WDR7: variants seen among roughly 807,000 people sequenced by gnomAD.
WDR7 encodes WD repeat domain 7.
Under a neutral mutation model 169.4 loss-of-function variants are expected in WDR7, and 46 were observed. That is an observed-to-expected ratio of 0.27 (90% CI 0.21 to 0.35). WDR7 has a LOEUF of 0.35. WDR7 is among the 10% of genes least tolerant of loss of function. The pLI, the probability that WDR7 is intolerant of heterozygous loss-of-function variation, is 1.00. For missense variants in WDR7, 1,534 were observed against 1,859.3 expected (o/e 0.83, Z 3.22); for synonymous variants, 612 against 666.8 (o/e 0.92, Z 1.27).
intron 25 of WDR7, among the ~76,000 whole-genome samples, chr18:56,957,978 A>G (rs1052109481): frequency 6.6e-6 from 1 of 152,052 alleles, no homozygotes; most frequent in Admixed American, 6.6e-5. Context: ...CATGTTTTCT[A>G]TTTCTTTTTT....
At chr18:57,005,215 C>T (rs1225147482) in intron 26 of WDR7, among the ~76,000 whole-genome samples, 2 of 151,894 alleles carry the variant, frequency 1.3e-5, no homozygotes, top group African/African-American at 4.8e-5. Context: ...AAATGATGTC[C>T]TTATCATTTC....
chr18:56,877,974 T>G (rs1301685638), intron 20 of WDR7, among the ~76,000 whole-genome samples: 1 of 152,194 alleles, frequency 6.6e-6, no homozygotes, highest in Admixed American at 6.5e-5. Flanking sequence ...ATGATTTCTT[T>G]ATATATTTTC....
At chr18:56,884,195 A>G (rs1356712620) in intron 21 of WDR7, among the ~76,000 whole-genome samples, 9 of 152,194 alleles carry the variant, frequency 5.9e-5, no homozygotes, top group Non-Finnish European at 8.8e-5. Context: ...GATCATGGCC[A>G]TTCTTGCAGG....
At chr18:57,030,362 T>C (rs1434496899), downstream of WDR7, 1 of 152,248 alleles carries the variant, frequency 6.6e-6, no homozygotes, top group African/African-American at 2.4e-5. Context: ...TAATTTTCTG[T>C]AAGAATTCGG....
rs534840196 is a variant in WDR7 at position 56,932,019 on chromosome 18, G to T, written c.3714-3769G>T. On this transcript the variant is annotated intron_variant, in intron 22 of 27. Transcript: ENST00000254442. ...AGGCTACTTTTAAGTAGGGCAACCA[G>T]GAAATAAAGTTGGTGCTTTGGGAAG... 1.1e-4 allele frequency among the ~76,000 whole-genome samples: 16 copies of T among 152,260 alleles called. 1 individual carries two copies. Among genetic ancestry groups the T allele is most frequent in the African/African-American group, 3.9e-4 (16 of 41,546 alleles).
chr18:57,014,058 G>T (rs1015900037), intron 26 of WDR7, among the ~76,000 whole-genome samples: 1 of 152,176 alleles, frequency 6.6e-6, no homozygotes, highest in Admixed American at 6.5e-5. Flanking sequence ...GGGCACAGTG[G>T]TTCACGCCTA....
At chr18:56,693,673 G>T (rs1018499487) in intron 9 of WDR7, among the ~76,000 whole-genome samples, 3 of 141,198 alleles carry the variant, frequency 2.1e-5, no homozygotes, top group Non-Finnish European at 4.6e-5. Context: ...CTGGGTTCAA[G>T]CGATTCTCCT....
At chr18:56,821,844 TA>T (rs1290226179) in intron 20 of WDR7, among the ~76,000 whole-genome samples, 1 of 151,500 alleles carries the variant, frequency 6.6e-6, no homozygotes, top group Non-Finnish European at 1.5e-5. Flanking sequence ...AAAAAAAAAT[TA>T]AAAGTTAGCT....
intron 19 of WDR7, among the ~76,000 whole-genome samples, chr18:56,808,220 A>G (rs929346866): frequency 2.0e-5 from 3 of 152,186 alleles, no homozygotes; most frequent in Non-Finnish European, 2.9e-5. Flanking sequence ...CAATAAATTC[A>G]GGCCTTCTGC....
intron 26 of WDR7, among the ~76,000 whole-genome samples, chr18:56,965,091 T>C (rs1290218510): frequency 1.3e-5 from 2 of 152,154 alleles, no homozygotes; most frequent in Admixed American, 6.5e-5. Flanking sequence ...AAAGAATCTG[T>C]TGGAATCAGT....
chr18:56,938,495 A>G, intron 23 of WDR7, 38 bp from the exon 24 acceptor site: 3 of 1,599,320 alleles, frequency 1.9e-6, no homozygotes, highest in Non-Finnish European at 2.6e-6. Flanking sequence ...AAACTATATC[A>G]GTGTCAATCA....
rs1360855298 is a variant in WDR7 at position 56,779,451 on chromosome 18, A to C, written c.2968A>C (p.Met990Leu). The change falls in exon 18 of 28, where the codon ATG (methionine) becomes CTG (leucine). Residue 990 changes from methionine (M) to leucine (L), a missense_variant. Physicochemically the swap from Met to Leu is conservative, Grantham distance 15 (BLOSUM62 2). Coordinates refer to ENST00000254442, the MANE Select transcript of WDR7 (RefSeq NM_015285.3). ...VNEGWSQLAA[M>L]HCVMLPDLLG... ...GACAGGTTGGAGTCAGTTAGCTGCT[A>C]TGCACTGTGTTATGCTGCCAGACCT... 1.9e-6 allele frequency: 3 copies of C among 1,612,926 alleles called. No individual in the cohort carries two copies. Among genetic ancestry groups the C allele is most frequent in the East Asian group, 2.2e-5 (1 of 44,824 alleles).
intron 13 of WDR7, among the ~76,000 whole-genome samples, chr18:56,725,706 G>T (rs564533886): frequency 6.6e-6 from 1 of 152,172 alleles, no homozygotes; most frequent in East Asian, 1.9e-4. Context: ...TGCTTTTGGT[G>T]TTTTAGACAT....
intron 20 of WDR7, among the ~76,000 whole-genome samples, chr18:56,841,231 C>T (rs919094873): frequency 1.3e-5 from 2 of 151,038 alleles, no homozygotes; most frequent in African/African-American, 2.4e-5. Context: ...GAAAAGTTGT[C>T]GTAATTTACA....
chr18:56,898,746 C>T (rs1259106743), intron 21 of WDR7, among the ~76,000 whole-genome samples: 3 of 152,012 alleles, frequency 2.0e-5, no homozygotes, highest in African/African-American at 7.2e-5. Context: ...ACTAAAGAGA[C>T]ATGACAACTA....
At chr18:56,831,562 C>G (rs555495681) in intron 20 of WDR7, among the ~76,000 whole-genome samples, 2 of 152,162 alleles carry the variant, frequency 1.3e-5, no homozygotes, top group East Asian at 3.9e-4. Flanking sequence ...CAAATAGGAA[C>G]AGCTCCCATC....
rs1188807579 is a variant in WDR7 at position 56,948,413 on chromosome 18, C to CA, written c.4064+9032dup. 1.9e-3 allele frequency among the ~76,000 whole-genome samples: 268 copies of CA among 138,822 alleles called. 2 individuals carry two copies. Among genetic ancestry groups the CA allele is most frequent in the African/African-American group, 3.7e-3 (140 of 37,934 alleles). The allele number at this position is 138,822 out of a possible 152,430, so 91.1% of individuals were successfully genotyped here. On this transcript the variant is annotated intron_variant, in intron 25 of 27. Transcript: ENST00000254442. Reference sequence around the variant, plus strand: ...GACTTGTCAAATAAATTCACAGATTCAAAAAAAAAAAAGATCCTTTGTTGG... The same window carrying CA: ...GACTTGTCAAATAAATTCACAGATTCAAAAAAAAAAAAAGATCCTTTGTTGG...
At position 56,879,574 on chromosome 18, in the gene WDR7, A is replaced by G. The variant is rs758269434; in HGVS notation, c.3305-370A>G. On this transcript the variant is annotated intron_variant, in intron 20 of 27. Coordinates refer to ENST00000254442, the MANE Select transcript of WDR7 (RefSeq NM_015285.3). The stretch of plus-strand genomic sequence containing the variant: ...TCTTGATTCTGTCTTTTCAAGCACA[A>G]AAGTTTTTAGTATTGATGAAATCCT... Among the ~76,000 whole-genome samples, 5 of 152,284 alleles carry G rather than the reference A, an allele frequency of 3.3e-5. No individual in the cohort carries two copies. The East Asian group carries it at 5.8e-4, about 18-fold the overall frequency.
At chr18:56,805,039 G>T (rs1172495003) in intron 19 of WDR7, among the ~76,000 whole-genome samples, 1 of 152,040 alleles carries the variant, frequency 6.6e-6, no homozygotes, top group Admixed American at 6.6e-5. Flanking sequence ...CCAACACTGA[G>T]GGCAGACCTT....
Sources: allele counts gnomAD v4.1 joint callset (sites outside exome capture counted in the v4.1 genomes callset), GRCh38; gene constraint gnomAD v4.1.1; transcripts MANE v1.5; gene names NCBI Gene and HGNC (gene_info 2026-07-23, HGNC 2026-07-21).